Variants in NAALADL2 observed in about 807,000 individuals in gnomAD.
NAALADL2 encodes N-acetylated alpha-linked acidic dipeptidase like 2.
NAALADL2 carries 76 observed loss-of-function variants against 87.2 expected under a neutral mutation model. The ratio of observed to expected loss-of-function variants is 0.87; its 90% confidence interval spans 0.72 to 1.05. The LOEUF is 1.05. Ranked by LOEUF, NAALADL2 falls within the 50% of genes least tolerant of loss-of-function variation. The probability of loss-of-function intolerance (pLI) is 0.00; values close to 1 mark genes in which losing one functional copy is unlikely to be tolerated. For synonymous variants in NAALADL2, 354 were observed against 331.0 expected, an observed-to-expected ratio of 1.07 and a Z score of -0.75; for missense variants, 1,089 against 945.8, an observed-to-expected ratio of 1.15 and a Z score of -1.99.
rs901097957 is a variant in NAALADL2, at chr3:175,755,071, A to G, written c.1991-149A>G. The G allele has an allele frequency of 2.7e-5, 17 of 623,196 alleles. No individual in the cohort carries two copies. The South Asian group carries it at 4.2e-4, about 15-fold the overall frequency. 38.6% of individuals were successfully genotyped at this position (623,196 alleles called of 1,614,324 possible). On this transcript the variant is annotated intron_variant, in intron 12 of 13. Transcript: ENST00000454872. ...TACCCTTGCTTTTGTCAAGTGACAA[A>G]AAAAAAGAGAGAGAGAACTGTCAAT...
intron 9 of NAALADL2, among the ~76,000 whole-genome samples, chr3:175,571,423 A>G (rs1016936219): frequency 2.0e-5 from 3 of 152,184 alleles, no homozygotes; most frequent in Admixed American, 6.5e-5. Flanking sequence ...TCAGCCTTGT[A>G]AATAAATTTT....
At chr3:174,485,488 C>T (rs1460266440) in intron 1 of NAALADL2, among the ~76,000 whole-genome samples, 1 of 151,400 alleles carries the variant, frequency 6.6e-6, no homozygotes, top group Non-Finnish European at 1.5e-5. Flanking sequence ...GTGTTGTTTC[C>T]CTCTATGTGT....
intron 3 of NAALADL2, among the ~76,000 whole-genome samples, chr3:175,237,460 A>T (rs577054386): frequency 3.9e-5 from 6 of 152,264 alleles, no homozygotes; most frequent in Admixed American, 3.9e-4. Flanking sequence ...GTGAATTCGC[A>T]GGATACCGAT....
chr3:175,516,307 A>T lies in NAALADL2; in HGVS notation c.1653+44549A>T, dbSNP rs1272549881. Among the ~76,000 whole-genome samples the T allele has an allele frequency of 4.6e-5, 7 of 152,242 alleles. 1 individual carries two copies. Among genetic ancestry groups the T allele is most frequent in the Admixed American group, 2.6e-4 (4 of 15,284 alleles). On this transcript the variant is annotated intron_variant, in intron 9 of 13. Coordinates refer to ENST00000454872, the MANE Select transcript of NAALADL2 (RefSeq NM_207015.3). ...TGGCCCATATCTCTTCAGGCTGAGAAGCAGACTTTTACCTTGCTTACATAG... is the reference window on the plus strand; with the variant it reads ...TGGCCCATATCTCTTCAGGCTGAGATGCAGACTTTTACCTTGCTTACATAG...
intron 11 of NAALADL2, among the ~76,000 whole-genome samples, chr3:175,658,872 T>C (rs138048636): frequency 1.3e-5 from 2 of 152,246 alleles, no homozygotes; most frequent in African/African-American, 4.8e-5. Flanking sequence ...TTATTCTTAG[T>C]AGGTCTTATA....
intron 1 of NAALADL2, among the ~76,000 whole-genome samples, chr3:175,047,175 C>T (rs1391111614): frequency 6.6e-6 from 1 of 152,142 alleles, no homozygotes; most frequent in African/African-American, 2.4e-5. Flanking sequence ...GTTTGAATTT[C>T]AACATTTGAA....
At chr3:175,363,253 C>T (rs1398339324) in intron 5 of NAALADL2, among the ~76,000 whole-genome samples, 1 of 147,272 alleles carries the variant, frequency 6.8e-6, no homozygotes, top group African/African-American at 2.5e-5. Flanking sequence ...AAATTTTTCA[C>T]AATATTAATT....
At chr3:175,314,913 G>A (rs576156527) in intron 4 of NAALADL2, among the ~76,000 whole-genome samples, 2 of 151,398 alleles carry the variant, frequency 1.3e-5, no homozygotes, top group African/African-American at 4.8e-5. Context: ...TTTCTGCTAG[G>A]CACTCTATGA....
At chr3:174,661,225 T>C (rs1725471650) in intron 2 of NAALADL2, among the ~76,000 whole-genome samples, 1 of 152,176 alleles carries the variant, frequency 6.6e-6, no homozygotes, top group African/African-American at 2.4e-5. Flanking sequence ...TCTATCCACT[T>C]GATGTTACTT....
Position 175,487,436 on chromosome 3 carries a change from A to G in NAALADL2, c.1653+15678A>G, listed in dbSNP as rs1727449048. On this transcript the variant is annotated intron_variant, in intron 9 of 13. Transcript: ENST00000454872. ...GTGTATCTGGTACTTAGTGGGTTCT[A>G]AAGTAATTATTCTACAAATGAACAT... The G allele has an allele frequency of 8.9e-6, 4 of 447,264 alleles. No individual in the cohort carries two copies. The Admixed American group carries it at 9.7e-5, about 11-fold the overall frequency. 27.7% of individuals were successfully genotyped at this position (447,264 alleles called of 1,614,324 possible). A position where few individuals can be genotyped will look rare whatever the true frequency, so the allele number is the denominator to read the frequency against.
intron 11 of NAALADL2, among the ~76,000 whole-genome samples, chr3:175,712,054 A>G (rs1360426036): frequency 6.6e-6 from 1 of 151,982 alleles, no homozygotes; most frequent in Non-Finnish European, 1.5e-5. Flanking sequence ...CATAATGATA[A>G]GTTATATAAG....
intron 3 of NAALADL2, among the ~76,000 whole-genome samples, chr3:174,766,893 T>C (rs1713868298): frequency 6.6e-6 from 1 of 152,218 alleles, no homozygotes; most frequent in Non-Finnish European, 1.5e-5. Context: ...ATTTCTTTAC[T>C]ATCTGCGGAT....
rs144524430 is a variant in NAALADL2, at chr3:175,669,956, A to G, written c.1896+42570A>G. Among the ~76,000 whole-genome samples the G allele has an allele frequency of 6.1e-4, 93 of 152,140 alleles. No individual in the cohort carries two copies. The East Asian group carries it at 0.017, about 27-fold the overall frequency. The stretch of plus-strand genomic sequence containing the variant: ...GTCTGTTATTTAAAACACCCCTTTC[A>G]GTGCTTGATCATCTTTTCAAAATCA... On this transcript the variant is annotated intron_variant, in intron 11 of 13. Transcript: ENST00000454872.
At chr3:175,223,933 T>A (rs558900898) in intron 2 of NAALADL2, among the ~76,000 whole-genome samples, 1 of 152,306 alleles carries the variant, frequency 6.6e-6, no homozygotes, top group East Asian at 1.9e-4. Flanking sequence ...AAACTCTAAA[T>A]GCTCTAAGAA....
At chr3:175,122,494 C>T (rs1726304676) in intron 2 of NAALADL2, among the ~76,000 whole-genome samples, 1 of 151,566 alleles carries the variant, frequency 6.6e-6, no homozygotes, top group Non-Finnish European at 1.5e-5. Context: ...ACAAAGTTGA[C>T]TAAGGGACTT....
chr3:174,526,266 C>G (rs1373571525), intron 1 of NAALADL2, among the ~76,000 whole-genome samples: 1 of 152,106 alleles, frequency 6.6e-6, no homozygotes, highest in Non-Finnish European at 1.5e-5. Context: ...AGTGGACTAG[C>G]ATTTCTGTGT....
At chr3:175,333,780 A>G (rs1054687026) in intron 5 of NAALADL2, among the ~76,000 whole-genome samples, 13 of 152,144 alleles carry the variant, frequency 8.5e-5, no homozygotes, top group African/African-American at 3.1e-4. Context: ...TTGGGTGATT[A>G]TAGTTAACAA....
intron 1 of NAALADL2, among the ~76,000 whole-genome samples, chr3:174,466,619 G>A (rs1577969857): frequency 6.6e-6 from 1 of 152,168 alleles, no homozygotes; most frequent in Admixed American, 6.5e-5. Context: ...AGGGAAAGAT[G>A]TAGTATTCCT....
intron 2 of NAALADL2, among the ~76,000 whole-genome samples, chr3:174,712,213 G>A (rs1730708757): frequency 6.6e-6 from 1 of 151,974 alleles, no homozygotes; most frequent in African/African-American, 2.4e-5. Context: ...ACTACTTTGA[G>A]AACCTAGATT....
Sources: allele counts gnomAD v4.1 joint callset (sites outside exome capture counted in the v4.1 genomes callset), GRCh38; gene constraint gnomAD v4.1.1; transcripts MANE v1.5; gene names NCBI Gene and HGNC (gene_info 2026-07-23, HGNC 2026-07-21).